Variants in MMP26 observed in about 807,000 individuals in gnomAD.
The protein encoded by MMP26 is matrix metalloproteinase-26.
In MMP26, 33 loss-of-function variants were observed where a neutral mutation model predicts 31.0. The ratio of observed to expected loss-of-function variants is 1.06; its 90% CI spans 0.81 to 1.42. The LOEUF (loss-of-function observed/expected upper bound fraction) is 1.42. MMP26 is among the 40% of genes most tolerant of loss of function. The pLI, the probability that MMP26 is intolerant of heterozygous loss-of-function variation, is 0.00. For missense variants in MMP26, 347 were observed against 316.1 expected (o/e 1.10, Z -0.74); for synonymous variants, 122 against 114.9 (o/e 1.06, Z -0.40).
At chr11:4,862,624 A>G (rs1850178699) in intron 2 of MMP26, among the ~76,000 whole-genome samples, 1 of 152,184 alleles carries the variant, frequency 6.6e-6, no homozygotes, top group South Asian at 2.1e-4. Flanking sequence ...CATCTCAAGA[A>G]CTGGTCTGGG....
At chr11:4,929,339 C>T (rs1296633697) in intron 2 of MMP26, among the ~76,000 whole-genome samples, 1 of 152,040 alleles carries the variant, frequency 6.6e-6, no homozygotes, top group East Asian at 1.9e-4. Context: ...TACTCTATTT[C>T]TGTTTCTCAG....
At chr11:4,732,722 G>A (rs773366680) in intron 1 of MMP26, among the ~76,000 whole-genome samples, 20 of 152,078 alleles carry the variant, frequency 1.3e-4, no homozygotes, top group Non-Finnish European at 2.2e-4. Context: ...ACAATATTGG[G>A]CATTTGTGAC....
intron 2 of MMP26, among the ~76,000 whole-genome samples, chr11:4,925,460 C>G (rs1285808190): frequency 6.6e-6 from 1 of 151,872 alleles, no homozygotes; most frequent in African/African-American, 2.4e-5. Flanking sequence ...TTTTAGAGAC[C>G]GAGTCCAGTT....
Position 4,880,449 on chromosome 11 carries a change from T to G in MMP26, c.-144-107619T>G, listed in dbSNP as rs200260632. On this transcript the variant is annotated intron_variant, in intron 2 of 7. Transcript: ENST00000380390. ...AGAAAGGGAGGGGTGTAACAGATAC[T>G]GGAAGAAATTGAGATGGGAGAGAGA... is the stretch of plus-strand genomic sequence containing the variant. Among the ~76,000 whole-genome samples, 8 of 151,838 alleles carry G rather than the reference T, an allele frequency of 5.3e-5. No homozygotes were observed. In the East Asian group the frequency reaches 1.6e-3, roughly 29 times the overall value.
chr11:4,783,366 C>T (rs1370502703), intron 2 of MMP26, among the ~76,000 whole-genome samples: 1 of 152,192 alleles, frequency 6.6e-6, no homozygotes, highest in African/African-American at 2.4e-5. Context: ...TTGTGTGGGG[C>T]TTGTAACCCC....
intron 2 of MMP26, among the ~76,000 whole-genome samples, chr11:4,978,507 C>T (rs1324564857): frequency 6.6e-6 from 1 of 152,024 alleles, no homozygotes; most frequent in South Asian, 2.1e-4. Flanking sequence ...GATCTCTAAA[C>T]CAACAGTGCC....
intron 2 of MMP26, among the ~76,000 whole-genome samples, chr11:4,840,877 ATACCTG>A (rs1160935902): frequency 6.6e-6 from 1 of 152,238 alleles, no homozygotes; most frequent in Non-Finnish European, 1.5e-5. Context: ...AGAATTCAAA[ATACCTG>A]TGTTGAGGAA....
intron 1 of MMP26, among the ~76,000 whole-genome samples, chr11:4,759,215 C>T (rs974801916): frequency 2.0e-5 from 3 of 151,368 alleles, no homozygotes; most frequent in African/African-American, 4.9e-5. Flanking sequence ...TTTTCAGTCT[C>T]ACAGTCAGCC....
At chr11:4,730,275 T>A (rs1210664473) in intron 1 of MMP26, among the ~76,000 whole-genome samples, 1 of 152,194 alleles carries the variant, frequency 6.6e-6, no homozygotes, top group East Asian at 1.9e-4. Context: ...GCAACCTGAT[T>A]TCTCCTTAAG....
intron 2 of MMP26, chr11:4,914,898 A>G (rs758218550): frequency 1.2e-6 from 2 of 1,614,012 alleles, no homozygotes; most frequent in African/African-American, 2.7e-5. Context: ...GGAGTGTAGA[A>G]GAGCAGCACA....
At chr11:4,712,738 C>A (rs1307496065) in intron 1 of MMP26, among the ~76,000 whole-genome samples, 2 of 151,876 alleles carry the variant, frequency 1.3e-5, no homozygotes, top group African/African-American at 4.8e-5. Flanking sequence ...TTAATAAAAT[C>A]CACTTTGAAG....
chr11:4,713,903 A>T (rs1310794792), intron 1 of MMP26, among the ~76,000 whole-genome samples: 1 of 152,116 alleles, frequency 6.6e-6, no homozygotes, highest in Non-Finnish European at 1.5e-5. Flanking sequence ...TGGAAACTAT[A>T]AAAGAACATG....
At chr11:4,916,720 T>C (rs1217570942) in intron 2 of MMP26, among the ~76,000 whole-genome samples, 1 of 152,176 alleles carries the variant, frequency 6.6e-6, no homozygotes, top group Non-Finnish European at 1.5e-5. Flanking sequence ...AATGATGACC[T>C]GTGAAGCTAT....
At position 4,762,848 on chromosome 11, in the gene MMP26, C is replaced by T. The variant is rs547774915; in HGVS notation, c.-216-4422C>T. Among the ~76,000 whole-genome samples, 50 of 152,190 alleles carry T rather than the reference C, an allele frequency of 3.3e-4. 1 individual carries two copies. Among genetic ancestry groups the T allele is most frequent in the Middle Eastern group, 3.4e-3 (1 of 294 alleles). On this transcript the variant is annotated intron_variant, in intron 1 of 7. Coordinates refer to ENST00000380390, the MANE Select transcript of MMP26 (RefSeq NM_021801.5). ...GTTATATAACCAGGAAACCTGAAAACTGGTCTACTAATAACTGTAGCTCAA... is the reference window on the plus strand; with the variant it reads ...GTTATATAACCAGGAAACCTGAAAATTGGTCTACTAATAACTGTAGCTCAA...
chr11:4,796,327 T>A (rs1200495590), intron 2 of MMP26, among the ~76,000 whole-genome samples: 1 of 152,256 alleles, frequency 6.6e-6, no homozygotes, highest in Non-Finnish European at 1.5e-5. Flanking sequence ...TTTAGGGATA[T>A]CGTTTCTGAT....
intron 2 of MMP26, among the ~76,000 whole-genome samples, chr11:4,855,536 GA>G (rs1850038259): frequency 6.6e-6 from 1 of 152,222 alleles, no homozygotes; most frequent in East Asian, 1.9e-4. Flanking sequence ...AGAGTAAAAA[GA>G]AAAGAACAAA....
intron 1 of MMP26, among the ~76,000 whole-genome samples, chr11:4,725,798 TG>T (rs955610412): frequency 7.2e-5 from 11 of 152,264 alleles, no homozygotes; most frequent in Admixed American, 6.5e-5. Flanking sequence ...AGAGTTTCTG[TG>T]GTGGTAGAGT....
At chr11:4,768,856 ATTTG>A (rs1848665905) in intron 2 of MMP26, 1 of 516,882 alleles carries the variant, frequency 1.9e-6, no homozygotes, top group Non-Finnish European at 3.3e-6. Context: ...CATATTTACT[ATTTG>A]TTTGGTGAAT....
chr11:4,936,067 G>A (rs747759410), intron 2 of MMP26, among the ~76,000 whole-genome samples: 1 of 146,696 alleles, frequency 6.8e-6, no homozygotes, highest in East Asian at 2.0e-4. Flanking sequence ...GCCTGGCTTT[G>A]GTATCAGAAT....
Sources: gnomAD v4.1 joint callset for allele counts (sites outside exome capture counted in the v4.1 genomes callset) on GRCh38, gnomAD v4.1.1 for gene constraint, MANE v1.5 for transcripts, NCBI Gene and HGNC (gene_info 2026-07-23, HGNC 2026-07-21) for gene names.